USP34: variants seen among roughly 807,000 people sequenced by gnomAD.
USP34 encodes the protein ubiquitin specific peptidase 34, also known as ubiquitin carboxyl-terminal hydrolase 34.
Under a neutral mutation model 460.3 loss-of-function variants are expected in USP34, and 70 were observed. The observed-to-expected ratio is 0.15, with a 90% CI of 0.13 to 0.19. The LOEUF is 0.19. USP34 is among the 10% of genes least tolerant of loss of function. The pLI, the probability that USP34 is intolerant of heterozygous loss-of-function variation, is 1.00. For synonymous variants in USP34, 1,647 were observed against 1,405.3 expected, an observed-to-expected ratio of 1.17 and a Z score of -3.85; for missense variants, 3,985 against 4,236.2, an observed-to-expected ratio of 0.94 and a Z score of 1.65.
rs57854651 is a variant in USP34 at position 61,445,222 on chromosome 2, TAA to T, written c.44-24391_44-24390del. 1.7e-4 allele frequency among the ~76,000 whole-genome samples: 7 copies of T among 40,646 alleles called. No individual in the cohort carries two copies. The East Asian group carries it at 5.5e-3, about 32-fold the overall frequency. 26.7% of individuals were successfully genotyped at this position (40,646 alleles called of 152,430 possible). ...AAAACTGTCAACAGCAGAACCACAC[TAA>T]AAAAAAAAAAAAAAAAAAAAAAAAA... On this transcript the variant is annotated intron_variant, in intron 1 of 79. Coordinates refer to ENST00000398571, the MANE Select transcript of USP34 (RefSeq NM_014709.4).
At chr2:61,417,048 G>A (rs1316841897) in intron 2 of USP34, 36 of 1,316,914 alleles carry the variant, frequency 2.7e-5, no homozygotes, top group African/African-American at 1.4e-4. Flanking sequence ...TCTGGCAGCC[G>A]GGGAACTTGA....
At chr2:61,393,992 G>A (rs192521759) in intron 5 of USP34, among the ~76,000 whole-genome samples, 62 of 152,076 alleles carry the variant, frequency 4.1e-4, no homozygotes, top group African/African-American at 1.4e-3. Context: ...ATGGTGGTTC[G>A]TGCCTGTAGT....
intron 33 of USP34, 96 bp downstream of exon 33, chr2:61,293,368 G>A (rs890355174): frequency 2.5e-6 from 2 of 814,730 alleles, no homozygotes; most frequent in Non-Finnish European, 3.8e-6. Flanking sequence ...TTTATTATAA[G>A]GAACTATATG....
chr2:61,320,767 C>T (rs1452955204), intron 21 of USP34, among the ~76,000 whole-genome samples: 1 of 151,922 alleles, frequency 6.6e-6, no homozygotes, highest in Non-Finnish European at 1.5e-5. Context: ...CCCAGCCCTT[C>T]GGGAGGACGA....
At chr2:61,198,969 T>A (rs181895615) in intron 75 of USP34, among the ~76,000 whole-genome samples, 5 of 152,220 alleles carry the variant, frequency 3.3e-5, no homozygotes, top group Non-Finnish European at 7.3e-5. Context: ...CTGATTTTAC[T>A]TAACGTTCTT....
chr2:61,202,577 C>T (rs769824065), intron 75 of USP34, among the ~76,000 whole-genome samples: 20 of 152,184 alleles, frequency 1.3e-4, no homozygotes, highest in African/African-American at 2.4e-4. Flanking sequence ...CGAGACCCCC[C>T]GCCACATAAT....
intron 29 of USP34, among the ~76,000 whole-genome samples, chr2:61,298,937 A>C (rs1690133811): frequency 6.6e-6 from 1 of 152,190 alleles, no homozygotes; most frequent in South Asian, 2.1e-4. Flanking sequence ...CTTCACTCTT[A>C]ACAGTAGCTG....
intron 1 of USP34, among the ~76,000 whole-genome samples, chr2:61,452,863 C>G (rs892718018): frequency 6.7e-6 from 1 of 148,578 alleles, no homozygotes; most frequent in African/African-American, 2.5e-5. Context: ...CACTCCAGCC[C>G]TTAGAGACAG....
chr2:61,338,772 A>T (rs1220162086), intron 18 of USP34, among the ~76,000 whole-genome samples: 1 of 152,224 alleles, frequency 6.6e-6, no homozygotes, highest in African/African-American at 2.4e-5. Context: ...AATTCAAACA[A>T]GAGAAAAAAA....
intron 10 of USP34, among the ~76,000 whole-genome samples, chr2:61,366,371 A>G (rs544624560): frequency 2.6e-5 from 4 of 152,338 alleles, no homozygotes; most frequent in African/African-American, 9.6e-5. Flanking sequence ...GATGGACAGA[A>G]GGAAGACATG....
At chr2:61,353,192 G>A (rs149998502) in intron 10 of USP34, among the ~76,000 whole-genome samples, 78 of 152,294 alleles carry the variant, frequency 5.1e-4, no homozygotes, top group East Asian at 2.7e-3. Context: ...TCTCTGTTCC[G>A]ACAGCTAGCT....
chr2:61,465,407 T>C (rs1466614532), intron 1 of USP34, among the ~76,000 whole-genome samples: 9 of 152,222 alleles, frequency 5.9e-5, no homozygotes, highest in African/African-American at 1.9e-4. Flanking sequence ...AAACGAACTG[T>C]TCATAATCTG....
intron 30 of USP34, 82 bp from the exon 31 acceptor site, chr2:61,295,372 A>G: frequency 1.4e-6 from 2 of 1,404,334 alleles, no homozygotes; most frequent in Non-Finnish European, 1.9e-6. Flanking sequence ...CTGACACTAC[A>G]TAAAAACTCA....
intron 15 of USP34, 146 bp downstream of exon 15, chr2:61,347,724 A>C: frequency 7.0e-7 from 1 of 1,427,246 alleles, no homozygotes; most frequent in Non-Finnish European, 9.2e-7. Flanking sequence ...GAAAACTTGA[A>C]ATTATCTATT....
At chr2:61,318,431 A>T (rs753113963) in intron 22 of USP34, among the ~76,000 whole-genome samples, 6 of 152,188 alleles carry the variant, frequency 3.9e-5, no homozygotes, top group African/African-American at 1.2e-4. Flanking sequence ...GGCAAAAGTT[A>T]TATTTGTAGC....
At chr2:61,246,263 G>T in intron 50 of USP34, 61 bp downstream of exon 50, 1 of 1,325,046 alleles carries the variant, frequency 7.5e-7, no homozygotes, top group Non-Finnish European at 9.8e-7. Flanking sequence ...ACTAAACACT[G>T]AAAACATATC....
chr2:61,353,341 A>G (rs560119120), intron 10 of USP34, among the ~76,000 whole-genome samples: 3 of 152,302 alleles, frequency 2.0e-5, no homozygotes, highest in East Asian at 3.9e-4. Context: ...GAAAGAACAA[A>G]AAGTCCACAG....
chr2:61,248,361 C>A (rs1688480048), intron 49 of USP34, 150 bp downstream of exon 49: 1 of 698,466 alleles, frequency 1.4e-6, no homozygotes, highest in South Asian at 2.5e-5. Flanking sequence ...TACTGGTTAA[C>A]TGACTGAATG....
chr2:61,403,518 T>G (rs1013105742), intron 3 of USP34, among the ~76,000 whole-genome samples: 1 of 152,182 alleles, frequency 6.6e-6, no homozygotes, highest in Non-Finnish European at 1.5e-5. Flanking sequence ...GGGACTTTCT[T>G]TTGTTGAAAA....
Sources: gnomAD v4.1 joint callset for allele counts (sites outside exome capture counted in the v4.1 genomes callset) on GRCh38, gnomAD v4.1.1 for gene constraint, MANE v1.5 for transcripts, NCBI Gene and HGNC (gene_info 2026-07-23, HGNC 2026-07-21) for gene names.